Variants in MX2 observed in about 807,000 individuals in gnomAD.
MX2 encodes MX dynamin like GTPase 2.
In MX2, 51 loss-of-function variants were observed where a neutral mutation model predicts 74.0. That is an observed-to-expected ratio of 0.69 (90% CI 0.55 to 0.87). The LOEUF is 0.87. MX2 is among the 40% of genes least tolerant of loss of function. The probability of loss-of-function intolerance (pLI) is 0.00; values close to 1 mark genes in which losing one functional copy is unlikely to be tolerated. For missense variants in MX2, 832 were observed against 908.7 expected, an observed-to-expected ratio of 0.92 and a Z score of 1.09; for synonymous variants, 369 against 339.3, an observed-to-expected ratio of 1.09 and a Z score of -0.96.
chr21:41,405,650 A>G (rs59998734), intron 12 of MX2, among the ~76,000 whole-genome samples: 2,846 of 149,982 alleles, frequency 0.019, 90 homozygotes, highest in African/African-American at 0.065. Context: ...TGTTCAGTCC[A>G]TGGCAGTGAC....
rs2089834604 is a variant in MX2 at position 41,403,058 on chromosome 21, C to T, written c.1574-209C>T. On this transcript the variant is annotated intron_variant, in intron 11 of 13. Transcript: ENST00000330714. ...ACACAGGCACGGGAAATGGACAGGA[C>T]CTGCCCAGGCTGCATGAGGGCTGGA... 21 of 532,760 alleles carry T rather than the reference C, an allele frequency of 3.9e-5. No homozygotes were observed. The South Asian group carries it at 4.3e-4, about 11-fold the overall frequency. The allele number at this position is 532,760 out of a possible 1,614,324, so 33.0% of individuals were successfully genotyped here. A position where few individuals can be genotyped will look rare whatever the true frequency, so the allele number is the denominator to read the frequency against.
rs143528488 is a variant in MX2 at position 41,408,191 on chromosome 21, G to A, written c.2106G>A (p.Ala702=). 61 of 1,614,088 alleles carry A rather than the reference G, an allele frequency of 3.8e-5. No individual in the cohort carries two copies. The highest frequency in any genetic ancestry group is 9.3e-5 in the African/African-American group (7 of 74,928). ...AGAGAATTTACCGGCTCACTCAGGC[G>A]CGACACGCACTCTGTCAATTCTCCA... ...LKERIYRLTQ[A]RHALCQFSSK... is the part of the protein sequence containing the mutation. Residue 702 remains alanine, a synonymous_variant, in exon 14 of 14, where the codon GCG becomes GCA. Transcript: ENST00000330714.
At chr21:41,392,627 G>A (rs2089675464) in intron 6 of MX2, among the ~76,000 whole-genome samples, 2 of 152,110 alleles carry the variant, frequency 1.3e-5, no homozygotes, top group African/African-American at 2.4e-5. Context: ...ACTTAATTAC[G>A]CGAACTATAA....
intron 13 of MX2, among the ~76,000 whole-genome samples, chr21:41,407,703 G>A (rs1447785630): frequency 6.6e-6 from 1 of 152,200 alleles, no homozygotes; most frequent in Non-Finnish European, 1.5e-5. Flanking sequence ...TGGGCTGGGG[G>A]AGTTTCTCCA....
At chr21:41,385,937 G>A (rs1028450791) in intron 5 of MX2, among the ~76,000 whole-genome samples, 6 of 152,040 alleles carry the variant, frequency 3.9e-5, no homozygotes, top group Non-Finnish European at 7.4e-5. Context: ...ATGCTGTTGC[G>A]AAAAGTGGCA....
At chr21:41,397,044 G>A (rs542790418) in intron 7 of MX2, among the ~76,000 whole-genome samples, 2 of 152,134 alleles carry the variant, frequency 1.3e-5, no homozygotes, top group South Asian at 2.1e-4. Flanking sequence ...GCTGGGAGCC[G>A]TCCCTTGCAG....
intron 4 of MX2, among the ~76,000 whole-genome samples, chr21:41,381,553 C>A (rs1555876318): frequency 6.6e-6 from 1 of 151,984 alleles, no homozygotes; most frequent in Non-Finnish European, 1.5e-5. Flanking sequence ...GGCGCAGTGG[C>A]AGGCACCTGT....
At chr21:41,362,750 C>CTTTTTTT (rs56903696) in intron 1 of MX2, among the ~76,000 whole-genome samples, 6 of 82,156 alleles carry the variant, frequency 7.3e-5, no homozygotes, top group African/African-American at 9.9e-5. Context: ...GTTTTTTTTT[C>CTTTTTTT]TTTTTTTTTT....
chr21:41,376,439 G>A (rs147310110), intron 1 of MX2, among the ~76,000 whole-genome samples: 105 of 152,194 alleles, frequency 6.9e-4, no homozygotes, highest in African/African-American at 2.2e-3. Context: ...CCAACTACTC[G>A]GTAAGCTGAG....
chr21:41,370,165 G>A (rs2089305342), intron 1 of MX2: 1 of 152,260 alleles, frequency 6.6e-6, no homozygotes, highest in Admixed American at 6.5e-5. Flanking sequence ...CCCAGAGCAA[G>A]GGATAAGCCT....
At chr21:41,399,793 C>T (rs1283720060) in intron 10 of MX2, 1 of 157,146 alleles carries the variant, frequency 6.4e-6, no homozygotes, top group Non-Finnish European at 1.4e-5. Flanking sequence ...CTCTTGAACT[C>T]CTAGGCTAAA....
In MX2 at chr21:41,390,567, C is replaced by G. The variant is rs767661030; in HGVS notation, c.735C>G (p.Ile245Met). The G allele has an allele frequency of 1.2e-6, 2 of 1,614,102 alleles. No homozygotes were observed. The highest frequency in any genetic ancestry group is 3.3e-5 in the Admixed American group (2 of 60,030). ...TTTGTGCGATTCTTTGGCATCAGAT[C>G]AAGGCTCTCATCAAGAAGTACATCC... is the stretch of plus-strand genomic sequence containing the variant. ...DNQPRDIGLQ[I>M]KALIKKYIQR... Residue 245 changes from isoleucine to methionine, a missense_variant and splice_region_variant, in exon 6 of 14, where the codon ATC becomes ATG. By Grantham distance (10) the Ile-to-Met change is conservative. Coordinates refer to ENST00000330714, the MANE Select transcript of MX2 (RefSeq NM_002463.2).
chr21:41,375,348 G>C (rs1173401382), intron 1 of MX2, among the ~76,000 whole-genome samples: 1 of 152,268 alleles, frequency 6.6e-6, no homozygotes, highest in African/African-American at 2.4e-5. Flanking sequence ...TCGTACCCTT[G>C]TATGAGTCTG....
chr21:41,395,756 T>A lies in MX2; in HGVS notation c.1041T>A (p.Ile347=), dbSNP rs1568945777. 3.7e-6 allele frequency: 6 copies of A among 1,614,150 alleles called. No individual in the cohort carries two copies. Among genetic ancestry groups the A allele is most frequent in the Non-Finnish European group, 5.1e-6 (6 of 1,180,030 alleles). The change falls in exon 7 of 14, where the codon ATT becomes ATA. Residue 347 remains isoleucine, a synonymous_variant. Coordinates refer to ENST00000330714, the MANE Select transcript of MX2 (RefSeq NM_002463.2). ...TGGCAGAGGCAACCAAGAAAGAAAT[T>A]ACATTCTTTCAAACACATCCATATT... ...LSLAEATKKE[I]TFFQTHPYFR...
At chr21:41,403,231 TTTC>T (rs769066569) in intron 11 of MX2, 33 bp from the exon 12 acceptor site, 69 of 1,507,080 alleles carry the variant, frequency 4.6e-5, no homozygotes, top group African/African-American at 2.0e-4. Flanking sequence ...TTACTGATGT[TTTC>T]TTCTTCTTCT....
In MX2 at chr21:41,382,505, G is replaced by C; in HGVS notation, c.673G>C (p.Asp225His). ...TGAGGTTCCAGACCTGACCATCATTGACCTTCCCGGCATCACCAGGGTGGC... is the reference window on the plus strand; with the variant it reads ...TGAGGTTCCAGACCTGACCATCATTCACCTTCCCGGCATCACCAGGGTGGC... ...SPEVPDLTII[D>H]LPGITRVAVD... Residue 225 changes from aspartate to histidine, a missense_variant, in exon 5 of 14, where the codon GAC becomes CAC. Asp to His is a moderately conservative substitution (Grantham distance 81). Transcript: ENST00000330714. 6.2e-7 allele frequency: 1 copy of C among 1,614,202 alleles called. No individual in the cohort carries two copies. The highest frequency in any genetic ancestry group is 8.5e-7 in the Non-Finnish European group (1 of 1,180,050).
chr21:41,399,229 T>C lies in MX2; in HGVS notation c.1306T>C (p.Leu436=). The C allele has an allele frequency of 6.2e-7, 1 of 1,613,906 alleles. No individual in the cohort carries two copies. The highest frequency in any genetic ancestry group is 8.5e-7 in the Non-Finnish European group (1 of 1,179,860). The change falls in exon 10 of 14, where the codon TTA becomes CTA. Residue 436 remains leucine, a synonymous_variant. Coordinates refer to ENST00000330714, the MANE Select transcript of MX2 (RefSeq NM_002463.2). ...IKMFNQDIEK[L]VEGEEVVREN... is the part of the protein sequence containing the mutation. ...GATGTTTAATCAGGACATCGAAAAG[T>C]TAGTAGAAGGAGAAGAAGTTGTAAG...
chr21:41,406,044 T>C (rs1452818437), intron 12 of MX2, among the ~76,000 whole-genome samples: 1 of 148,950 alleles, frequency 6.7e-6, no homozygotes, highest in African/African-American at 2.5e-5. Flanking sequence ...CAGACTGGAG[T>C]GCAATGGCAT....
Position 41,408,341 on chromosome 21 carries a change from A to T in MX2, c.*108A>T. 1 of 1,438,154 alleles carries T rather than the reference A, an allele frequency of 7.0e-7. No individual in the cohort carries two copies. The highest frequency in any genetic ancestry group is 9.4e-7 in the Non-Finnish European group (1 of 1,062,106). The allele number at this position is 1,438,154 out of a possible 1,614,324, so 89.1% of individuals were successfully genotyped here. A position where few individuals can be genotyped will look rare whatever the true frequency, so the allele number is the denominator to read the frequency against. ...GGGGCCAAACTCTTCTGTCACTATCAGTGTCCATCTCTACTGTACTCCCTC... is the reference window on the plus strand; with the variant it reads ...GGGGCCAAACTCTTCTGTCACTATCTGTGTCCATCTCTACTGTACTCCCTC... On this transcript the variant is annotated 3_prime_UTR_variant, in exon 14 of 14. Transcript: ENST00000330714.
Sources: allele counts gnomAD v4.1 joint callset (sites outside exome capture counted in the v4.1 genomes callset), GRCh38; gene constraint gnomAD v4.1.1; transcripts MANE v1.5; gene names NCBI Gene and HGNC (gene_info 2026-07-23, HGNC 2026-07-21).